The following SOX5 variants were observed in gnomAD, a reference collection of about 807,000 sequenced individuals.
The protein encoded by SOX5 is transcription factor SOX-5.
Under a neutral mutation model 92.0 loss-of-function variants are expected in SOX5, and 9 were observed. That is an observed-to-expected ratio of 0.10 (90% CI 0.06 to 0.17). The LOEUF is 0.17. SOX5 is among the 10% of genes least tolerant of loss of function. The pLI is 1.00. For synonymous variants in SOX5, 344 were observed against 336.3 expected, an observed-to-expected ratio of 1.02 and a Z score of -0.25; for missense variants, 642 against 944.5, an observed-to-expected ratio of 0.68 and a Z score of 4.20.
In SOX5 at chr12:24,134,931, A is replaced by C. The variant is rs1053913525; in HGVS notation, c.-2+78412T>G. 2.0e-4 allele frequency among the ~76,000 whole-genome samples: 31 copies of C among 152,320 alleles called. 1 individual carries two copies. Among genetic ancestry groups the C allele is most frequent in the Admixed American group, 7.2e-4 (11 of 15,306 alleles). On this transcript the variant is annotated intron_variant, in intron 4 of 4. Coordinates refer to the SOX5 transcript ENST00000446891. ...GTACCTTTCCTCTGTATTTTTAAAA[A>C]TACATTCACTTATTTGTAAAAGTTA...
At chr12:24,192,905 C>T (rs1256447498) in intron 4 of SOX5, among the ~76,000 whole-genome samples, 1 of 152,186 alleles carries the variant, frequency 6.6e-6, no homozygotes, top group Non-Finnish European at 1.5e-5. Context: ...TCTGTTGCTC[C>T]TCTTGCCATT....
intron 1 of SOX5, among the ~76,000 whole-genome samples, chr12:24,428,610 A>C (rs550115133): frequency 6.6e-6 from 1 of 151,898 alleles, no homozygotes; most frequent in African/African-American, 2.4e-5. Flanking sequence ...TGTCTCCATA[A>C]GAAAATTTAA....
intron 3 of SOX5, among the ~76,000 whole-genome samples, chr12:23,781,129 C>T (rs1224808779): frequency 6.6e-6 from 1 of 152,042 alleles, no homozygotes; most frequent in East Asian, 1.9e-4. Context: ...AGACAACAGT[C>T]CCCATATTTT....
chr12:23,949,719 C>T (rs912075603), upstream of SOX5: 13 of 1,223,158 alleles, frequency 1.1e-5, no homozygotes, highest in Admixed American at 4.8e-5. Context: ...CTCTTCCCCC[C>T]CTCCCTCCCT....
At chr12:24,361,414 C>A (rs1565986187) in intron 2 of SOX5, among the ~76,000 whole-genome samples, 1 of 152,168 alleles carries the variant, frequency 6.6e-6, no homozygotes, top group Non-Finnish European at 1.5e-5. Flanking sequence ...TCTCTGTCTC[C>A]ATTTCCTCAG....
At chr12:24,002,426 C>T (rs539436907) in intron 4 of SOX5, among the ~76,000 whole-genome samples, 6 of 152,136 alleles carry the variant, frequency 3.9e-5, no homozygotes, top group Admixed American at 6.5e-5. Context: ...TAAAGGCATT[C>T]ATTGAAAAAC....
intron 4 of SOX5, among the ~76,000 whole-genome samples, chr12:24,017,319 T>A (rs1401650367): frequency 6.6e-6 from 1 of 151,996 alleles, no homozygotes; most frequent in Non-Finnish European, 1.5e-5. Flanking sequence ...ACGCAACAGG[T>A]TATGTGTGGT....
chr12:24,253,268 A>G (rs575987470), intron 3 of SOX5, among the ~76,000 whole-genome samples: 82 of 125,754 alleles, frequency 6.5e-4, no homozygotes, highest in Admixed American at 2.3e-3. Context: ...GCACGTGCAC[A>G]TCTTTTTTTT....
At chr12:23,934,028 C>T (rs1398240986) in intron 1 of SOX5, among the ~76,000 whole-genome samples, 2 of 151,508 alleles carry the variant, frequency 1.3e-5, no homozygotes, top group African/African-American at 4.8e-5. Context: ...TATAGAAATG[C>T]CTCCTTCCAC....
intron 3 of SOX5, among the ~76,000 whole-genome samples, chr12:23,779,396 T>C (rs904138922): frequency 6.7e-6 from 1 of 149,448 alleles, no homozygotes; most frequent in Non-Finnish European, 1.5e-5. Flanking sequence ...TGCTATCTAG[T>C]ATGTGCCATC....
At chr12:24,359,498 A>T (rs893183868) in intron 2 of SOX5, among the ~76,000 whole-genome samples, 10 of 152,204 alleles carry the variant, frequency 6.6e-5, no homozygotes, top group African/African-American at 2.4e-4. Flanking sequence ...TACAAGGGGC[A>T]CTAAAGAAAA....
chr12:23,576,527 T>C (rs1282391329), intron 9 of SOX5, among the ~76,000 whole-genome samples: 4 of 152,210 alleles, frequency 2.6e-5, no homozygotes, highest in African/African-American at 9.7e-5. Context: ...CAGATGTGTT[T>C]TCTAGGTTTC....
intron 2 of SOX5, among the ~76,000 whole-genome samples, chr12:23,861,993 G>T (rs1157680694): frequency 6.6e-6 from 1 of 151,878 alleles, no homozygotes; most frequent in Non-Finnish European, 1.5e-5. Context: ...TACATTTTTG[G>T]GTTTTCTATT....
intron 3 of SOX5, among the ~76,000 whole-genome samples, chr12:23,804,410 G>A (rs555705867): frequency 6.6e-6 from 1 of 152,048 alleles, no homozygotes; most frequent in Non-Finnish European, 1.5e-5. Context: ...TAAGTGTGTG[G>A]CCAGGAAGAA....
chr12:23,998,454 C>T (rs535394959), intron 4 of SOX5, among the ~76,000 whole-genome samples: 44 of 151,830 alleles, frequency 2.9e-4, no homozygotes, highest in Non-Finnish European at 6.2e-4. Flanking sequence ...TATGAGAATA[C>T]TTCAAGTATA....
chr12:23,612,285 C>T (rs1363495621), intron 8 of SOX5, among the ~76,000 whole-genome samples: 1 of 151,958 alleles, frequency 6.6e-6, no homozygotes, highest in Non-Finnish European at 1.5e-5. Context: ...TTGATACATT[C>T]ATATAATCCA....
chr12:23,970,841 A>ATATATATATATATTTTTTTTT lies in SOX5; in HGVS notation c.-1-74818_-1-74817insAAAAAAAAATATATATATATA. Among the ~76,000 whole-genome samples, 17 of 21,882 alleles carry ATATATATATATATTTTTTTTT rather than the reference A, an allele frequency of 7.8e-4. 4 individuals are homozygous for ATATATATATATATTTTTTTTT. Among genetic ancestry groups the ATATATATATATATTTTTTTTT allele is most frequent in the Non-Finnish European group, 1.3e-3 (13 of 9,706 alleles). 14.4% of individuals were successfully genotyped at this position (21,882 alleles called of 152,430 possible). On this transcript the variant is annotated intron_variant, in intron 4 of 4. Coordinates refer to the SOX5 transcript ENST00000446891. ...ACATGGGACTTTATATATATATATA[A>ATATATATATATATTTTTTTTT]TTTTTTTTTTTTTTTAAGAAATGGG...
At chr12:24,057,800 T>C (rs1958281510) in intron 4 of SOX5, among the ~76,000 whole-genome samples, 1 of 152,226 alleles carries the variant, frequency 6.6e-6, no homozygotes, top group African/African-American at 2.4e-5. Context: ...CAATAGTTCA[T>C]TTGTGATTTG....
intron 1 of SOX5, among the ~76,000 whole-genome samples, chr12:24,540,320 A>C (rs985004980): frequency 6.6e-6 from 1 of 152,118 alleles, no homozygotes; most frequent in Non-Finnish European, 1.5e-5. Context: ...AGGTAATGTG[A>C]CTTTTTTAAA....
Sources: allele counts gnomAD v4.1 joint callset (sites outside exome capture counted in the v4.1 genomes callset), GRCh38; gene constraint gnomAD v4.1.1; transcripts MANE v1.5; gene names NCBI Gene and HGNC (gene_info 2026-07-23, HGNC 2026-07-21).